The following HEATR1 variants were observed in gnomAD, a reference collection of about 807,000 sequenced individuals.
HEATR1 encodes HEAT repeat-containing protein 1.
Under a neutral mutation model 248.2 loss-of-function variants are expected in HEATR1, and 77 were observed. That is an observed-to-expected ratio of 0.31 (90% confidence interval 0.26 to 0.37). HEATR1 has a LOEUF of 0.37. HEATR1 is among the 10% of genes least tolerant of loss of function. The pLI, the probability that HEATR1 is intolerant of heterozygous loss-of-function variation, is 1.00. For missense variants in HEATR1, 2,420 were observed against 2,504.9 expected, an observed-to-expected ratio of 0.97 and a Z score of 0.72; for synonymous variants, 897 against 923.1, an observed-to-expected ratio of 0.97 and a Z score of 0.51.
intron 35 of HEATR1, 113 bp downstream of exon 35, chr1:236,558,882 A>T (rs819432): frequency 1 from 929,945 of 930,240 alleles, 464,826 homozygotes; most frequent in Middle Eastern, 1. Flanking sequence ...TATATTCAGA[A>T]AATAATATAC....
chr1:236,585,823 C>T lies in HEATR1; in HGVS notation c.2046G>A (p.Lys682=). 1 of 1,612,422 alleles carries T rather than the reference C, an allele frequency of 6.2e-7. No individual in the cohort carries two copies. The highest frequency in any genetic ancestry group is 8.5e-7 in the Non-Finnish European group (1 of 1,178,850). Residue 682 remains lysine, a synonymous_variant, in exon 16 of 45, where the codon AAG becomes AAA. Coordinates refer to ENST00000366582, the MANE Select transcript of HEATR1 (RefSeq NM_018072.6). ...TGGACTTTCAAAGCATACTTACCATCTTTAACATTGAAGAAGGATCTCCTA... is the reference window on the plus strand; with the variant it reads ...TGGACTTTCAAAGCATACTTACCATTTTTAACATTGAAGAAGGATCTCCTA... ...INLGDPSSML[K]MVEDLISVGE...
Position 236,581,315 on chromosome 1 carries a change from C to A in HEATR1, c.2662G>T (p.Val888Leu), listed in dbSNP as rs1393602833. Residue 888 changes from valine (V) to leucine (L), a missense_variant, in exon 20 of 45, where the codon GTG becomes TTG. Transcript: ENST00000366582. ...SNPLNCSVKT[V>L]LQTQALYVGC... ...ACATAAAGAGCTTGAGTCTGCAGCACTGTTTTCACACTGCAGTTTAGTGGA... is the reference window on the plus strand; with the variant it reads ...ACATAAAGAGCTTGAGTCTGCAGCAATGTTTTCACACTGCAGTTTAGTGGA... 6.2e-7 allele frequency: 1 copy of A among 1,612,994 alleles called. No homozygotes were observed. The highest frequency in any genetic ancestry group is 2.2e-5 in the East Asian group (1 of 44,848).
intron 12 of HEATR1, 78 bp downstream of exon 12, chr1:236,590,769 A>T (rs1429439298): frequency 8.6e-6 from 5 of 583,994 alleles, no homozygotes; most frequent in Non-Finnish European, 1.4e-5. Flanking sequence ...CTTAGGTGGT[A>T]ACTTCAATTT....
At chr1:236,565,705 C>G (rs189456485) in intron 31 of HEATR1, among the ~76,000 whole-genome samples, 290 of 152,230 alleles carry the variant, frequency 1.9e-3, no homozygotes, top group African/African-American at 6.8e-3. Context: ...AAGACGTCAG[C>G]GCAGAGCACA....
At chr1:236,578,462 G>C (rs927760216) in intron 20 of HEATR1, among the ~76,000 whole-genome samples, 2 of 152,176 alleles carry the variant, frequency 1.3e-5, no homozygotes, top group African/African-American at 4.8e-5. Flanking sequence ...TTTGATTTGA[G>C]GAATTTTTGA....
In HEATR1 at chr1:236,571,663, T is replaced by C. The variant is rs1317380938; in HGVS notation, c.3731A>G (p.Glu1244Gly). 6.2e-7 allele frequency: 1 copy of C among 1,613,410 alleles called. No individual in the cohort carries two copies. The highest frequency in any genetic ancestry group is 1.3e-5 in the African/African-American group (1 of 74,934). The change falls in exon 27 of 45, where the codon GAG becomes GGG. Residue 1244 changes from glutamate to glycine, a missense_variant. Coordinates refer to ENST00000366582, the MANE Select transcript of HEATR1 (RefSeq NM_018072.6). ...LSRCLEPLPQ[E>G]QGNMEYTKQL... ...TTTGGTGTATTCCATATTTCCCTGC[T>C]CTTGTGGCAAGGGTTCTAAACATCT...
intron 20 of HEATR1, 75 bp from the exon 21 acceptor site, chr1:236,577,024 A>T: frequency 1.1e-5 from 13 of 1,130,822 alleles, no homozygotes; most frequent in Non-Finnish European, 1.6e-5. Context: ...ATAGTACCAA[A>T]GGTACTTGAT....
rs1056409386 is a variant in HEATR1, at chr1:236,549,011, T to G, written c.*1891A>C. 5.0e-6 allele frequency: 2 copies of G among 398,448 alleles called. No individual in the cohort carries two copies. Among genetic ancestry groups the G allele is most frequent in the African/African-American group, 4.1e-5 (2 of 48,606 alleles). The allele number at this position is 398,448 out of a possible 1,614,324, so 24.7% of individuals were successfully genotyped here. A position where few individuals can be genotyped will look rare whatever the true frequency, so the allele number is the denominator to read the frequency against. On this transcript the variant is annotated 3_prime_UTR_variant, in exon 45 of 45. Coordinates refer to ENST00000366582, the MANE Select transcript of HEATR1 (RefSeq NM_018072.6). ...CAGGAAGAGGCAAGATGCATTCAAT[T>G]TGAAAGATATTTATGGGCAACAAAG...
In HEATR1 at chr1:236,580,247, G is replaced by A. The variant is rs142404368; in HGVS notation, c.2755+975C>T. On this transcript the variant is annotated intron_variant, in intron 20 of 44. Coordinates refer to ENST00000366582, the MANE Select transcript of HEATR1 (RefSeq NM_018072.6). The stretch of plus-strand genomic sequence containing the variant: ...TTCAGTTATTTCATTAGAGAATGCC[G>A]AACCTGAATATGATTTATGCCCGAT... Among the ~76,000 whole-genome samples the A allele has an allele frequency of 4.2e-3, 638 of 152,238 alleles. 5 individuals are homozygous for A. Among genetic ancestry groups the A allele is most frequent in the Non-Finnish European group, 5.4e-3 (365 of 68,020 alleles).
intron 37 of HEATR1, 48 bp from the exon 38 acceptor site, chr1:236,556,306 G>A (rs372268591): frequency 1.3e-5 from 20 of 1,584,936 alleles, no homozygotes; most frequent in Admixed American, 1.7e-5. Flanking sequence ...GATCTTCGCT[G>A]ACAAACACAC....
intron 34 of HEATR1, among the ~76,000 whole-genome samples, chr1:236,559,375 C>T (rs1193564284): frequency 6.6e-6 from 1 of 152,140 alleles, no homozygotes; most frequent in Non-Finnish European, 1.5e-5. Context: ...AATGACTGAG[C>T]TAGATTTGAA....
chr1:236,566,595 A>G (rs1221170412), intron 30 of HEATR1, 51 bp downstream of exon 30: 2 of 1,317,242 alleles, frequency 1.5e-6, no homozygotes, highest in East Asian at 4.7e-5. Context: ...ATATCATAAA[A>G]TCTGTGTGAG....
intron 36 of HEATR1, 101 bp from the exon 37 acceptor site, chr1:236,557,446 T>G: frequency 2.4e-6 from 3 of 1,230,864 alleles, no homozygotes. Context: ...CTGTGCCTAT[T>G]ACATCGCTAT....
In HEATR1 at chr1:236,564,481, T is replaced by C. The variant is rs761812313; in HGVS notation, c.4599+17A>G. 24 of 1,609,904 alleles carry C rather than the reference T, an allele frequency of 1.5e-5. No homozygotes were observed. The highest frequency in any genetic ancestry group is 1.9e-5 in the Non-Finnish European group (22 of 1,178,292). The stretch of plus-strand genomic sequence containing the variant: ...AGCAGAATACCTTTTTATAAACACA[T>C]TTAAAGAACACATTACCTTTTTCAG... On this transcript the variant is annotated intron_variant, in intron 32 of 44. Coordinates refer to ENST00000366582, the MANE Select transcript of HEATR1 (RefSeq NM_018072.6).
At chr1:236,603,871 G>C (rs766424125) in intron 2 of HEATR1, 83 bp downstream of exon 2, 13 of 1,353,418 alleles carry the variant, frequency 9.6e-6, no homozygotes, top group Non-Finnish European at 1.3e-5. Context: ...GGACAGAAGA[G>C]AAAACAAGGG....
At chr1:236,595,393 G>T in intron 8 of HEATR1, 147 bp downstream of exon 8, 1 of 594,016 alleles carries the variant, frequency 1.7e-6, no homozygotes, top group Non-Finnish European at 2.8e-6. Flanking sequence ...CACCCCAGAT[G>T]TTTCTCACTT....
chr1:236,574,217 G>A lies in HEATR1; in HGVS notation c.3444C>T (p.Ser1148=). ...TGCAGCTTACCCCTTTAAAAACACTGCTGACAGTCTGAGCACAATGTGAGT... is the reference window on the plus strand; with the variant it reads ...TGCAGCTTACCCCTTTAAAAACACTACTGACAGTCTGAGCACAATGTGAGT... ...CKNSHCAQTV[S]SVFKGISVNA... The change falls in exon 24 of 45, where the codon AGC becomes AGT. Residue 1148 remains serine, a synonymous_variant. Coordinates refer to ENST00000366582, the MANE Select transcript of HEATR1 (RefSeq NM_018072.6). 6.2e-7 allele frequency: 1 copy of A among 1,607,506 alleles called. No individual in the cohort carries two copies. The highest frequency in any genetic ancestry group is 8.5e-7 in the Non-Finnish European group (1 of 1,178,254).
intron 9 of HEATR1, 133 bp downstream of exon 9, chr1:236,593,879 A>G (rs552194968): frequency 3.5e-4 from 215 of 617,018 alleles, no homozygotes; most frequent in Non-Finnish European, 5.7e-4. Context: ...TTAAGTACTT[A>G]TAGTTAATGA....
At chr1:236,601,179 G>A (rs1664314112) in intron 3 of HEATR1, among the ~76,000 whole-genome samples, 1 of 151,420 alleles carries the variant, frequency 6.6e-6, no homozygotes, top group Non-Finnish European at 1.5e-5. Flanking sequence ...GAAGACCCAA[G>A]TTAAAATCAT....
Sources: gnomAD v4.1 joint callset for allele counts (sites outside exome capture counted in the v4.1 genomes callset) on GRCh38, gnomAD v4.1.1 for gene constraint, MANE v1.5 for transcripts, NCBI Gene and HGNC (gene_info 2026-07-23, HGNC 2026-07-21) for gene names.